The following GARS1 variants were observed in gnomAD, a reference collection of about 807,000 sequenced individuals.
GARS1 encodes glycine--tRNA ligase.
Under a neutral mutation model 86.4 loss-of-function variants are expected in GARS1, and 46 were observed. The ratio of observed to expected loss-of-function variants is 0.53; its 90% CI spans 0.42 to 0.68. The LOEUF (loss-of-function observed/expected upper bound fraction) is 0.68. Ranked by LOEUF, GARS1 falls within the 30% of genes least tolerant of loss-of-function variation. The pLI, the probability that GARS1 is intolerant of heterozygous loss-of-function variation, is 0.00. For missense variants in GARS1, 797 were observed against 915.6 expected, an observed-to-expected ratio of 0.87 and a Z score of 1.67; for synonymous variants, 342 against 329.8, an observed-to-expected ratio of 1.04 and a Z score of -0.40.
intron 11 of GARS1, 79 bp downstream of exon 11, chr7:30,621,579 T>A (rs1584043701): frequency 1.0e-6 from 1 of 999,060 alleles, no homozygotes. Context: ...GTCTTTACCT[T>A]GTTCTATGGA....
chr7:30,632,361 A>T lies in GARS1; in HGVS notation c.2018A>T (p.Asp673Val). The T allele has an allele frequency of 6.2e-7, 1 of 1,614,038 alleles. No homozygotes were observed. Among genetic ancestry groups the T allele is most frequent in the Non-Finnish European group, 8.5e-7 (1 of 1,180,002 alleles). ...GGCGTGGCTTTTGGTGTCACCATTG[A>T]CTTTGACACAGTGAACAAGACCCCC... is the stretch of plus-strand genomic sequence containing the variant. ...EIGVAFGVTI[D>V]FDTVNKTPHT... is the part of the protein sequence containing the mutation. The change falls in exon 16 of 17, where the codon GAC becomes GTC. Residue 673 changes from aspartate to valine, a missense_variant. Transcript: ENST00000389266. The surrounding 1 kb of genome is among the most constrained non-coding windows in gnomAD (Gnocchi z 4.1).
At chr7:30,594,816 G>A (rs1791200848), upstream of GARS1, 2 of 979,070 alleles carry the variant, frequency 2.0e-6, no homozygotes, top group Non-Finnish European at 3.0e-6. Context: ...ATGTGCGGCA[G>A]CACGCGCGCC....
At chr7:30,606,542 T>C (rs975025474) in intron 6 of GARS1, among the ~76,000 whole-genome samples, 1 of 152,222 alleles carries the variant, frequency 6.6e-6, no homozygotes, top group Non-Finnish European at 1.5e-5. Context: ...AACTTTAGAT[T>C]CAAATATTTG....
At chr7:30,604,373 T>G (rs1791441565) in intron 6 of GARS1, among the ~76,000 whole-genome samples, 1 of 152,162 alleles carries the variant, frequency 6.6e-6, no homozygotes, top group South Asian at 2.1e-4. Context: ...TTTATTTACT[T>G]CCTTGGGCAA....
At chr7:30,599,910 CCCT>C (rs756115412) in intron 2 of GARS1, 34 bp from the exon 3 acceptor site, 1 of 1,290,210 alleles carries the variant, frequency 7.8e-7, no homozygotes, top group Non-Finnish European at 1.1e-6. Context: ...TCCCACCCAC[CCCT>C]CCACTCACTC....
chr7:30,622,362 G>A lies in GARS1; in HGVS notation c.1513G>A (p.Gly505Ser), dbSNP rs1324763917. ...VQFEPSKGAI[G>S]KAYKKDAKLV... ...GTTTGAACCCAGTAAGGGAGCAATTGGTAAGGCATATAAGAAGGATGCAAA... is the reference window on the plus strand; with the variant it reads ...GTTTGAACCCAGTAAGGGAGCAATTAGTAAGGCATATAAGAAGGATGCAAA... The change falls in exon 12 of 17, where the codon GGT (glycine) becomes AGT (serine). Residue 505 changes from glycine to serine, a missense_variant. By Grantham distance (56) the Gly-to-Ser change is moderately conservative. Transcript: ENST00000389266. The A allele has an allele frequency of 6.2e-7, 1 of 1,614,128 alleles. No individual in the cohort carries two copies. The highest frequency in any genetic ancestry group is 2.2e-5 in the East Asian group (1 of 44,856).
chr7:30,610,049 G>A (rs1791565611), intron 7 of GARS1, among the ~76,000 whole-genome samples: 1 of 152,154 alleles, frequency 6.6e-6, no homozygotes, highest in Non-Finnish European at 1.5e-5. Context: ...TATTGCTGAA[G>A]GATATTTTAG....
At chr7:30,619,491 T>C (rs1782957215) in intron 10 of GARS1, among the ~76,000 whole-genome samples, 1 of 152,182 alleles carries the variant, frequency 6.6e-6, no homozygotes, top group Admixed American at 6.5e-5. Flanking sequence ...TCAGGCACGT[T>C]TTTGTAATTT....
chr7:30,595,283 C>T (rs1791223103), intron 1 of GARS1, 140 bp downstream of exon 1: 1 of 862,782 alleles, frequency 1.2e-6, no homozygotes, highest in Non-Finnish European at 1.8e-6. Context: ...GCGTCTTCTT[C>T]GCCTCCCCCA....
At chr7:30,620,307 C>T (rs928225553) in intron 10 of GARS1, among the ~76,000 whole-genome samples, 2 of 152,098 alleles carry the variant, frequency 1.3e-5, no homozygotes, top group Non-Finnish European at 2.9e-5. Context: ...GATTTCTCAC[C>T]GTTCTGGAGG....
At chr7:30,614,956 G>A (rs1001510625) in intron 8 of GARS1, among the ~76,000 whole-genome samples, 12 of 151,718 alleles carry the variant, frequency 7.9e-5, no homozygotes, top group African/African-American at 2.4e-4. Flanking sequence ...TACATTACTC[G>A]TAAAACATCT....
chr7:30,602,984 T>A (rs1791410665), intron 4 of GARS1, 50 bp from the exon 5 acceptor site: 1 of 1,169,028 alleles, frequency 8.6e-7, no homozygotes, highest in African/African-American at 1.5e-5. Flanking sequence ...GTAATATCTA[T>A]GTGTAATTTG....
intron 12 of GARS1, among the ~76,000 whole-genome samples, chr7:30,625,948 C>G (rs776245972): frequency 2.0e-5 from 3 of 152,064 alleles, no homozygotes; most frequent in Non-Finnish European, 4.4e-5. Context: ...TTGGTTTTAC[C>G]TTGATTCAAA....
rs1386452347 is a variant in GARS1 at position 30,626,330 on chromosome 7, A to T, written c.1699+11A>T. 10 of 1,473,284 alleles carry T rather than the reference A, an allele frequency of 6.8e-6. No individual in the cohort carries two copies. Among genetic ancestry groups the T allele is most frequent in the Non-Finnish European group, 9.5e-6 (10 of 1,053,560 alleles). 91.3% of individuals were successfully genotyped at this position (1,473,284 alleles called of 1,614,324 possible). A position where few individuals can be genotyped will look rare whatever the true frequency, so the allele number is the denominator to read the frequency against. On this transcript the variant is annotated intron_variant, in intron 13 of 16. Coordinates refer to ENST00000389266, the MANE Select transcript of GARS1 (RefSeq NM_002047.4). ...AGAAAACACTATATGGTAAATTTGT[A>T]AAAATAATAAACAAAAAGTCACTGC...
intron 6 of GARS1, among the ~76,000 whole-genome samples, chr7:30,608,160 C>G (rs1422794081): frequency 2.0e-5 from 3 of 152,134 alleles, no homozygotes; most frequent in Non-Finnish European, 2.9e-5. Context: ...GTGCTTATAT[C>G]TTTTCATGTT....
At chr7:30,609,530 A>C (rs1042868268) in intron 6 of GARS1, 55 bp from the exon 7 acceptor site, 1 of 1,462,082 alleles carries the variant, frequency 6.8e-7, no homozygotes, top group Non-Finnish European at 9.6e-7. Context: ...AATACTTTAT[A>C]TCTTATGCCT....
At chr7:30,609,806 T>A (rs1791561397) in intron 7 of GARS1, 76 bp downstream of exon 7, 2 of 1,440,858 alleles carry the variant, frequency 1.4e-6, no homozygotes, top group African/African-American at 2.8e-5. Flanking sequence ...TAAATATCAA[T>A]GTTATGAAGG....
intron 7 of GARS1, 135 bp downstream of exon 7, chr7:30,609,865 G>GAGAAATAATGGC: frequency 1.4e-6 from 1 of 698,840 alleles, no homozygotes; most frequent in Non-Finnish European, 2.4e-6. Flanking sequence ...ATGTATTATG[G>GAGAAATAATGGC]AGAAATAATG....
chr7:30,597,072 AT>A (rs765451049), intron 1 of GARS1, among the ~76,000 whole-genome samples: 11 of 152,214 alleles, frequency 7.2e-5, no homozygotes, highest in South Asian at 2.1e-4. Flanking sequence ...CTTTGGGGAA[AT>A]TTTAGAATTT....
Sources: gnomAD v4.1 joint callset for allele counts (sites outside exome capture counted in the v4.1 genomes callset) on GRCh38, gnomAD v4.1.1 for gene constraint, Gnocchi (gnomAD v3.1) non-coding constraint, MANE v1.5 for transcripts, NCBI Gene and HGNC (gene_info 2026-07-23, HGNC 2026-07-21) for gene names.